Variants in TTLL11 observed in about 807,000 individuals in gnomAD.
The protein encoded by TTLL11 is tubulin polyglutamylase TTLL11.
In TTLL11, 42 loss-of-function variants were observed where a neutral mutation model predicts 51.7. The observed-to-expected ratio is 0.81, with a 90% CI of 0.64 to 1.05. The LOEUF (loss-of-function observed/expected upper bound fraction) is 1.05. Among genes scored for constraint, TTLL11 ranks in the 50% least tolerant of loss-of-function variants. TTLL11 has a pLI of 0.00. For missense variants in TTLL11, 799 were observed against 940.4 expected, an observed-to-expected ratio of 0.85 and a Z score of 1.97; for synonymous variants, 381 against 383.5, an observed-to-expected ratio of 0.99 and a Z score of 0.08.
At chr9:121,911,695 C>T (rs966880649) in intron 6 of TTLL11, among the ~76,000 whole-genome samples, 4 of 152,090 alleles carry the variant, frequency 2.6e-5, no homozygotes, top group Admixed American at 2.6e-4. Flanking sequence ...AACAAAAAAC[C>T]AAACACCACG....
chr9:122,031,374 G>A (rs1351209803), intron 3 of TTLL11, among the ~76,000 whole-genome samples: 24 of 152,200 alleles, frequency 1.6e-4, no homozygotes, highest in Admixed American at 1.2e-3. Context: ...GCGAGGCCAC[G>A]GCTCTAGGAT....
rs1320629828 is a variant in TTLL11 at position 121,931,583 on chromosome 9, TTAAAAAA to T, written c.1481+42419_1481+42425del. Among the ~76,000 whole-genome samples, 547 of 103,846 alleles carry T rather than the reference TTAAAAAA, an allele frequency of 5.3e-3. 6 individuals are homozygous for T. Among genetic ancestry groups the T allele is most frequent in the African/African-American group, 0.017 (509 of 29,960 alleles). 68.1% of individuals were successfully genotyped at this position (103,846 alleles called of 152,430 possible). ...CATGGTAAAACCCTGTTTCTACTAT[TTAAAAAA>T]AAAAAAAAAAAAAAAGAAAAGAAAA... On this transcript the variant is annotated intron_variant, in intron 6 of 8. Coordinates refer to ENST00000321582, the MANE Select transcript of TTLL11 (RefSeq NM_001139442.2).
At chr9:121,921,549 A>G (rs1260442664) in intron 6 of TTLL11, among the ~76,000 whole-genome samples, 1 of 152,202 alleles carries the variant, frequency 6.6e-6, no homozygotes, top group Non-Finnish European at 1.5e-5. Context: ...TCAGAAGCAC[A>G]GCTGTTGTGT....
At chr9:121,833,870 C>A (rs1479103431) in intron 8 of TTLL11, among the ~76,000 whole-genome samples, 2 of 152,204 alleles carry the variant, frequency 1.3e-5, no homozygotes, top group Non-Finnish European at 2.9e-5. Context: ...AATACCTGAG[C>A]TTCCTTGCTA....
chr9:122,021,281 G>A (rs576482118), intron 3 of TTLL11, among the ~76,000 whole-genome samples: 1 of 152,184 alleles, frequency 6.6e-6, no homozygotes, highest in South Asian at 2.1e-4. Context: ...CCCAGTGGAC[G>A]CCCTGAGTTG....
At chr9:122,078,161 A>T (rs1050318085) in intron 1 of TTLL11, among the ~76,000 whole-genome samples, 3 of 152,344 alleles carry the variant, frequency 2.0e-5, no homozygotes, top group Non-Finnish European at 2.9e-5. Context: ...GAAAAAGAAC[A>T]ACAAAATAAA....
chr9:122,008,670 A>G (rs1843718045), intron 3 of TTLL11, among the ~76,000 whole-genome samples: 1 of 152,248 alleles, frequency 6.6e-6, no homozygotes, highest in South Asian at 2.1e-4. Context: ...AGAACTACCC[A>G]TCATGATCCA....
At chr9:121,842,604 T>C (rs1051670227) in intron 8 of TTLL11, among the ~76,000 whole-genome samples, 1 of 152,184 alleles carries the variant, frequency 6.6e-6, no homozygotes, top group Non-Finnish European at 1.5e-5. Flanking sequence ...GTCAGTAAGA[T>C]GAATAAGGTG....
intron 8 of TTLL11, 126 bp downstream of exon 8, chr9:121,860,211 T>C: frequency 1.5e-6 from 1 of 677,256 alleles, no homozygotes; most frequent in Non-Finnish European, 2.5e-6. Flanking sequence ...ATCCCTGGGA[T>C]TATGTCTAGA....
At chr9:121,988,089 C>T (rs1842984180) in intron 4 of TTLL11, among the ~76,000 whole-genome samples, 1 of 152,034 alleles carries the variant, frequency 6.6e-6, no homozygotes, top group South Asian at 2.1e-4. Flanking sequence ...CTGCCACCAT[C>T]TCTCCTCTCT....
At chr9:121,883,038 A>T (rs1838857038) in intron 6 of TTLL11, among the ~76,000 whole-genome samples, 1 of 152,200 alleles carries the variant, frequency 6.6e-6, no homozygotes, top group Admixed American at 6.5e-5. Context: ...AAGACAGAGA[A>T]CATGAAGAAT....
At chr9:122,020,281 G>A (rs1274492783) in intron 3 of TTLL11, among the ~76,000 whole-genome samples, 1 of 152,090 alleles carries the variant, frequency 6.6e-6, no homozygotes, top group Non-Finnish European at 1.5e-5. Flanking sequence ...AATCAGGTCA[G>A]GTGTCACCAC....
At chr9:121,863,705 G>A (rs911931437) in intron 7 of TTLL11, among the ~76,000 whole-genome samples, 1 of 152,222 alleles carries the variant, frequency 6.6e-6, no homozygotes, top group African/African-American at 2.4e-5. Flanking sequence ...CATTTCTTGG[G>A]CACTATCTGT....
chr9:121,926,177 G>A (rs919895804), intron 6 of TTLL11, among the ~76,000 whole-genome samples: 5 of 152,166 alleles, frequency 3.3e-5, no homozygotes, highest in African/African-American at 7.2e-5. Flanking sequence ...TTTCAGATGT[G>A]AGCAGTCTCT....
At chr9:121,970,605 T>C (rs1461261577) in intron 6 of TTLL11, among the ~76,000 whole-genome samples, 2 of 152,180 alleles carry the variant, frequency 1.3e-5, no homozygotes, top group African/African-American at 4.8e-5. Flanking sequence ...AAAAAGCTCA[T>C]CATCACTGGT....
chr9:121,959,331 G>A (rs574138412), intron 6 of TTLL11, among the ~76,000 whole-genome samples: 2 of 152,220 alleles, frequency 1.3e-5, no homozygotes, highest in East Asian at 1.9e-4. Context: ...AGCAATTATT[G>A]TTGTAATGGG....
intron 3 of TTLL11, among the ~76,000 whole-genome samples, chr9:121,992,592 T>C (rs1843147009): frequency 6.6e-6 from 1 of 152,232 alleles, no homozygotes; most frequent in South Asian, 2.1e-4. Context: ...AATGAAGTAT[T>C]CTGCACTGGT....
At chr9:121,883,271 T>C (rs1417577774) in intron 6 of TTLL11, among the ~76,000 whole-genome samples, 1 of 152,176 alleles carries the variant, frequency 6.6e-6, no homozygotes, top group African/African-American at 2.4e-5. Flanking sequence ...AAAATGGAGA[T>C]GGACGATAGA....
intron 3 of TTLL11, among the ~76,000 whole-genome samples, chr9:122,014,194 G>A (rs1381077199): frequency 2.0e-5 from 3 of 151,942 alleles, no homozygotes; most frequent in Non-Finnish European, 4.4e-5. Flanking sequence ...GCAAAACCCT[G>A]TCTCTACTAA....
Sources: gnomAD v4.1 joint callset for allele counts (sites outside exome capture counted in the v4.1 genomes callset) on GRCh38, gnomAD v4.1.1 for gene constraint, MANE v1.5 for transcripts, NCBI Gene and HGNC (gene_info 2026-07-23, HGNC 2026-07-21) for gene names.